SUPT3H: variants seen among roughly 807,000 people sequenced by gnomAD.
SUPT3H encodes the protein SPT3 homolog, SAGA and STAGA complex component.
In SUPT3H, 44 loss-of-function variants were observed where a neutral mutation model predicts 44.3. The observed-to-expected ratio is 0.99, with a 90% CI of 0.78 to 1.28. The LOEUF is 1.28. Among genes scored for constraint, SUPT3H ranks in the 50% most tolerant of loss-of-function variants. The pLI is 0.00. For missense variants in SUPT3H, 380 were observed against 387.1 expected, an observed-to-expected ratio of 0.98 and a Z score of 0.15; for synonymous variants, 124 against 125.6, an observed-to-expected ratio of 0.99 and a Z score of 0.09.
intron 2 of SUPT3H, among the ~76,000 whole-genome samples, chr6:45,351,432 A>G (rs1653320022): frequency 6.6e-6 from 1 of 152,184 alleles, no homozygotes; most frequent in Non-Finnish European, 1.5e-5. Context: ...GGAAGAGAGA[A>G]AAATAAAAAG....
At chr6:44,957,588 A>G (rs1423004465) in intron 7 of SUPT3H, among the ~76,000 whole-genome samples, 1 of 152,082 alleles carries the variant, frequency 6.6e-6, no homozygotes, top group African/African-American at 2.4e-5. Context: ...GTTGATTTTA[A>G]AAGTGAGGGA....
chr6:45,281,313 G>C (rs777891353), intron 2 of SUPT3H, among the ~76,000 whole-genome samples: 45 of 152,220 alleles, frequency 3.0e-4, no homozygotes, highest in Non-Finnish European at 5.9e-4. Context: ...CCCGCGAAGC[G>C]CAAGGGGTCA....
chr6:44,930,169 G>A (rs528339395), intron 10 of SUPT3H, among the ~76,000 whole-genome samples: 1 of 152,042 alleles, frequency 6.6e-6, no homozygotes, highest in Non-Finnish European at 1.5e-5. Context: ...ATGAGGTCAG[G>A]AGATCGAGAC....
chr6:45,239,010 T>C (rs536351894), intron 2 of SUPT3H, among the ~76,000 whole-genome samples: 73 of 152,340 alleles, frequency 4.8e-4, no homozygotes, highest in African/African-American at 1.7e-3. Context: ...CCAGTAATAG[T>C]AAAGCTTCTT....
intron 2 of SUPT3H, among the ~76,000 whole-genome samples, chr6:45,259,176 G>A (rs1158203256): frequency 1.3e-5 from 2 of 151,956 alleles, no homozygotes; most frequent in African/African-American, 4.8e-5. Flanking sequence ...AATAAGATGC[G>A]TTTATCAGAT....
At chr6:45,138,684 G>T (rs946944258) in intron 2 of SUPT3H, among the ~76,000 whole-genome samples, 1 of 152,028 alleles carries the variant, frequency 6.6e-6, no homozygotes, top group Admixed American at 6.6e-5. Flanking sequence ...AAGACAGAAA[G>T]CCAATCAAGA....
rs998737276 is a variant in SUPT3H, at chr6:45,167,186, T to G, written c.102-61180A>C. On this transcript the variant is annotated intron_variant, in intron 2 of 10. Coordinates refer to ENST00000371459, the MANE Select transcript of SUPT3H (RefSeq NM_003599.4). ...GCTAAGGGCTTAATGGACAGAAGTG[T>G]AGGTACTATAAAAGCTAGCCAAAGT... Among the ~76,000 whole-genome samples the G allele has an allele frequency of 5.3e-5, 8 of 152,286 alleles. No individual in the cohort carries two copies. In the East Asian group the frequency reaches 1.5e-3, roughly 29 times the overall value.
At chr6:45,242,345 G>C (rs1341847317) in intron 2 of SUPT3H, among the ~76,000 whole-genome samples, 2 of 152,222 alleles carry the variant, frequency 1.3e-5, no homozygotes, top group Admixed American at 6.5e-5. Flanking sequence ...GTACCGAAGA[G>C]ATAGTATTTC....
At chr6:45,245,550 G>T (rs550629765) in intron 2 of SUPT3H, among the ~76,000 whole-genome samples, 1 of 152,116 alleles carries the variant, frequency 6.6e-6, no homozygotes, top group African/African-American at 2.4e-5. Context: ...TGTCCTTTTA[G>T]GTCTGCTTTA....
intron 2 of SUPT3H, among the ~76,000 whole-genome samples, chr6:45,129,288 T>C (rs1449584397): frequency 6.6e-6 from 1 of 152,216 alleles, no homozygotes; most frequent in African/African-American, 2.4e-5. Flanking sequence ...ATTTACTCAC[T>C]ACTGATGTAT....
intron 2 of SUPT3H, among the ~76,000 whole-genome samples, chr6:45,218,342 G>A (rs1327623642): frequency 6.6e-6 from 1 of 151,966 alleles, no homozygotes; most frequent in Non-Finnish European, 1.5e-5. Flanking sequence ...ACAGAGTCTC[G>A]AATACATAAA....
chr6:44,866,662 T>G (rs957604280), intron 10 of SUPT3H, among the ~76,000 whole-genome samples: 1 of 152,214 alleles, frequency 6.6e-6, no homozygotes, highest in Non-Finnish European at 1.5e-5. Flanking sequence ...ACAACTCCTT[T>G]TCTGGTCTAG....
intron 10 of SUPT3H, among the ~76,000 whole-genome samples, chr6:44,847,510 CAG>C (rs1274692087): frequency 6.8e-6 from 1 of 146,456 alleles, no homozygotes; most frequent in Non-Finnish European, 1.5e-5. Flanking sequence ...TTTTTTGAGA[CAG>C]AGTCTTGCTC....
At chr6:44,991,413 G>A (rs1161197497) in intron 6 of SUPT3H, among the ~76,000 whole-genome samples, 3 of 152,096 alleles carry the variant, frequency 2.0e-5, no homozygotes, top group Non-Finnish European at 4.4e-5. Context: ...GATCTGATCT[G>A]CCTTTTTGAC....
intron 2 of SUPT3H, among the ~76,000 whole-genome samples, chr6:45,146,867 G>C (rs1314322414): frequency 6.6e-6 from 1 of 152,048 alleles, no homozygotes; most frequent in Non-Finnish European, 1.5e-5. Flanking sequence ...AGATGCTCCA[G>C]AGCAATGGTA....
In SUPT3H at chr6:44,969,590, G is replaced by A. The variant is rs1173144606; in HGVS notation, c.505-7762C>T. The stretch of plus-strand genomic sequence containing the variant: ...AGAAACAGCAGAGGCTTGAATATAT[G>A]TTTTTAGAAAAAAAATCAAAAAACA... On this transcript the variant is annotated intron_variant, in intron 6 of 10. Transcript: ENST00000371459. Among the ~76,000 whole-genome samples, 5 of 152,046 alleles carry A rather than the reference G, an allele frequency of 3.3e-5. No individual in the cohort carries two copies. In the East Asian group the frequency reaches 7.7e-4, roughly 23 times the overall value.
chr6:45,282,616 A>T (rs1452374047), intron 2 of SUPT3H, among the ~76,000 whole-genome samples: 2 of 152,340 alleles, frequency 1.3e-5, no homozygotes, highest in Admixed American at 1.3e-4. Context: ...TGATTGGTGT[A>T]CCTGAAAGTG....
intron 10 of SUPT3H, among the ~76,000 whole-genome samples, chr6:44,902,818 A>C (rs1381344745): frequency 6.6e-6 from 1 of 152,238 alleles, no homozygotes; most frequent in East Asian, 1.9e-4. Context: ...AACAGAAATT[A>C]TAACAAACTG....
intron 3 of SUPT3H, among the ~76,000 whole-genome samples, chr6:45,036,123 T>C (rs1308502239): frequency 6.6e-6 from 1 of 152,178 alleles, no homozygotes; most frequent in African/African-American, 2.4e-5. Flanking sequence ...AACGCCCATG[T>C]TGTCATGAAG....
Sources: gnomAD v4.1 joint callset for allele counts (sites outside exome capture counted in the v4.1 genomes callset) on GRCh38, gnomAD v4.1.1 for gene constraint, MANE v1.5 for transcripts, NCBI Gene and HGNC (gene_info 2026-07-23, HGNC 2026-07-21) for gene names.